Variants in ATG10 observed in about 807,000 individuals in gnomAD.
ATG10 encodes the protein autophagy related 10.
In ATG10, 30 loss-of-function variants were observed where a neutral mutation model predicts 32.1. The observed-to-expected ratio is 0.94, with a 90% CI of 0.70 to 1.27. The LOEUF (loss-of-function observed/expected upper bound fraction) is 1.27. Ranked by LOEUF, ATG10 falls within the 50% of genes most tolerant of loss-of-function variation. The pLI, the probability that ATG10 is intolerant of heterozygous loss-of-function variation, is 0.00. For missense variants in ATG10, 233 were observed against 262.3 expected (o/e 0.89, Z 0.77); for synonymous variants, 87 against 91.5 (o/e 0.95, Z 0.28).
At chr5:82,207,318 T>C (rs1340754753) in intron 5 of ATG10, among the ~76,000 whole-genome samples, 1 of 152,230 alleles carries the variant, frequency 6.6e-6, no homozygotes, top group Non-Finnish European at 1.5e-5. Context: ...TTCTGATAAC[T>C]GTTTGATATT....
chr5:82,049,284 A>T (rs1466760805), intron 2 of ATG10, among the ~76,000 whole-genome samples: 2 of 151,836 alleles, frequency 1.3e-5, no homozygotes, highest in African/African-American at 4.8e-5. Context: ...CATTCTCAGT[A>T]AACCATCGCA....
chr5:82,179,527 C>G (rs1666876866), intron 5 of ATG10, among the ~76,000 whole-genome samples: 1 of 151,980 alleles, frequency 6.6e-6, no homozygotes, highest in African/African-American at 2.4e-5. Flanking sequence ...GAAAATAGAT[C>G]TGCAAAAGTA....
At chr5:81,973,481 G>A (rs1157865927) in intron 1 of ATG10, among the ~76,000 whole-genome samples, 4 of 152,172 alleles carry the variant, frequency 2.6e-5, no homozygotes, top group Non-Finnish European at 5.9e-5. Context: ...TTTCTTCAGT[G>A]TTTATGCTCA....
intron 5 of ATG10, among the ~76,000 whole-genome samples, chr5:82,245,120 C>T (rs1581844992): frequency 6.6e-6 from 1 of 152,108 alleles, no homozygotes; most frequent in African/African-American, 2.4e-5. Context: ...CTAAAAGGAT[C>T]CCAATAGTTT....
chr5:82,158,350 C>T (rs1254908350), intron 3 of ATG10, among the ~76,000 whole-genome samples: 2 of 147,790 alleles, frequency 1.4e-5, no homozygotes, highest in Non-Finnish European at 3.0e-5. Context: ...ATACAGCTGC[C>T]CCCCCGCCCC....
At chr5:82,197,331 A>G (rs1006509565) in intron 5 of ATG10, among the ~76,000 whole-genome samples, 5 of 152,164 alleles carry the variant, frequency 3.3e-5, no homozygotes, top group Admixed American at 3.3e-4. Context: ...TCATGTCATT[A>G]TGGCATGTCT....
intron 3 of ATG10, among the ~76,000 whole-genome samples, chr5:82,074,302 C>T (rs1355666506): frequency 6.6e-6 from 1 of 152,074 alleles, no homozygotes; most frequent in East Asian, 1.9e-4. Flanking sequence ...ACGTAAACGC[C>T]ATCTCACAAT....
chr5:82,171,936 A>G (rs2149912069), intron 4 of ATG10, among the ~76,000 whole-genome samples: 1 of 152,312 alleles, frequency 6.6e-6, no homozygotes, highest in South Asian at 2.1e-4. Flanking sequence ...CAGTCTAGTG[A>G]GGGAAACACA....
At chr5:81,975,899 A>G (rs1160223280) in intron 1 of ATG10, among the ~76,000 whole-genome samples, 1 of 152,074 alleles carries the variant, frequency 6.6e-6, no homozygotes, top group African/African-American at 2.4e-5. Flanking sequence ...AAGAGAATCA[A>G]GATCATAAAA....
intron 5 of ATG10, among the ~76,000 whole-genome samples, chr5:82,180,349 GTCCTCTCA>G (rs1744184279): frequency 6.6e-6 from 1 of 152,002 alleles, no homozygotes; most frequent in Admixed American, 6.6e-5. Flanking sequence ...GTTACTACCT[GTCCTCTCA>G]TACATTCCCT....
At chr5:82,065,798 C>G (rs1763926491) in intron 3 of ATG10, among the ~76,000 whole-genome samples, 1 of 152,030 alleles carries the variant, frequency 6.6e-6, no homozygotes, top group Admixed American at 6.6e-5. Context: ...AAGTGGGAAC[C>G]AAGCCCTATA....
intron 4 of ATG10, among the ~76,000 whole-genome samples, chr5:82,170,229 A>C (rs1201070268): frequency 6.6e-6 from 1 of 152,068 alleles, no homozygotes; most frequent in East Asian, 1.9e-4. Flanking sequence ...CCATATGGAA[A>C]AAACATCTCT....
intron 3 of ATG10, among the ~76,000 whole-genome samples, chr5:82,070,560 C>T (rs1311724041): frequency 1.3e-5 from 2 of 152,136 alleles, no homozygotes; most frequent in Non-Finnish European, 2.9e-5. Context: ...TTATGCTTCT[C>T]TCTGAACATT....
chr5:82,123,529 A>G (rs966854735), intron 3 of ATG10, among the ~76,000 whole-genome samples: 4 of 152,052 alleles, frequency 2.6e-5, no homozygotes, highest in Non-Finnish European at 4.4e-5. Context: ...AAAAGTAAAA[A>G]AAAAAAAAGC....
chr5:82,214,805 T>C (rs543974138), intron 5 of ATG10, among the ~76,000 whole-genome samples: 101 of 152,258 alleles, frequency 6.6e-4, no homozygotes, highest in Non-Finnish European at 1.0e-3. Context: ...AAGTGCAAAC[T>C]GGCAGCCAGG....
intron 3 of ATG10, among the ~76,000 whole-genome samples, chr5:82,117,721 G>T (rs945287046): frequency 6.6e-6 from 1 of 152,046 alleles, no homozygotes; most frequent in African/African-American, 2.4e-5. Context: ...ATTTTTCTGA[G>T]ACCAGGTATT....
At chr5:82,090,351 A>G (rs1764841673) in intron 3 of ATG10, among the ~76,000 whole-genome samples, 1 of 152,198 alleles carries the variant, frequency 6.6e-6, no homozygotes, top group Admixed American at 6.5e-5. Context: ...CCAAACTTAG[A>G]AACAACCCAC....
intron 3 of ATG10, among the ~76,000 whole-genome samples, chr5:82,162,647 T>C (rs1170181627): frequency 5.3e-5 from 8 of 152,000 alleles, no homozygotes; most frequent in Non-Finnish European, 1.5e-5. Context: ...ACCTAAAATA[T>C]CTGGCAATAT....
chr5:82,195,663 C>A (rs1744825366), intron 5 of ATG10, among the ~76,000 whole-genome samples: 2 of 152,096 alleles, frequency 1.3e-5, no homozygotes, highest in Non-Finnish European at 2.9e-5. Flanking sequence ...TAGCTTCTTT[C>A]ATTTGGCATG....
Sources: allele counts gnomAD v4.1 joint callset (sites outside exome capture counted in the v4.1 genomes callset), GRCh38; gene constraint gnomAD v4.1.1; transcripts MANE v1.5; gene names NCBI Gene and HGNC (gene_info 2026-07-23, HGNC 2026-07-21).